COL18A1: variants seen among roughly 807,000 people sequenced by gnomAD.
COL18A1 encodes collagen type XVIII alpha 1 chain.
In COL18A1, 133 loss-of-function variants were observed where a neutral mutation model predicts 168.0. That is an observed-to-expected ratio of 0.79 (90% CI 0.69 to 0.91). The LOEUF is 0.91. COL18A1 is among the 40% of genes least tolerant of loss of function. COL18A1 has a pLI of 0.00. For synonymous variants in COL18A1, 949 were observed against 809.0 expected, an observed-to-expected ratio of 1.17 and a Z score of -2.94; for missense variants, 2,126 against 1,925.4, an observed-to-expected ratio of 1.10 and a Z score of -1.95.
At chr21:45,405,327 T>TGCGGGGGTC (rs1387248324) in intron 1 of COL18A1, 52 bp from the exon 2 acceptor site, 55 of 1,027,264 alleles carry the variant, frequency 5.4e-5, no homozygotes, top group East Asian at 2.0e-4. Context: ...GGCCGGGTCC[T>TGCGGGGGTC]GCGGGGGTCG....
chr21:45,482,054 T>C, intron 14 of COL18A1, 29 bp downstream of exon 14: 1 of 1,589,086 alleles, frequency 6.3e-7, no homozygotes, highest in Non-Finnish European at 8.6e-7. Flanking sequence ...CCAGGGTGAG[T>C]GGGAACCAGC....
rs1318578204 is a variant in COL18A1 at position 45,471,529 on chromosome 21, C to T, written c.652-2366C>T. On this transcript the variant is annotated intron_variant, in intron 3 of 41. Coordinates refer to ENST00000651438, the MANE Select transcript of COL18A1 (RefSeq NM_001379500.1). This position sits in a 1 kb window ranked among gnomAD's most constrained non-coding sequence, Gnocchi z 4.4. ...GACCCTGGCGCTGCCACAGATGGTG[C>T]CTGGGACCCCCGGCCGCAGCTGGGT... 1.3e-5 allele frequency among the ~76,000 whole-genome samples: 2 copies of T among 152,180 alleles called. No homozygotes were observed. Among genetic ancestry groups the T allele is most frequent in the East Asian group, 1.9e-4 (1 of 5,194 alleles).
At chr21:45,472,828 C>T (rs1416175016) in intron 3 of COL18A1, among the ~76,000 whole-genome samples, 3 of 152,182 alleles carry the variant, frequency 2.0e-5, no homozygotes, top group Non-Finnish European at 1.5e-5. Flanking sequence ...AGCTCACACG[C>T]GTGCATACGT....
intron 2 of COL18A1, among the ~76,000 whole-genome samples, chr21:45,427,111 C>T (rs1032514505): frequency 6.6e-6 from 1 of 152,200 alleles, no homozygotes; most frequent in East Asian, 1.9e-4. Flanking sequence ...GGGCTCTCTC[C>T]GGAGCGTGTG....
At chr21:45,485,442 G>T (rs952760580) in intron 15 of COL18A1, among the ~76,000 whole-genome samples, 4 of 151,980 alleles carry the variant, frequency 2.6e-5, no homozygotes, top group Admixed American at 6.6e-5. Flanking sequence ...GCTATAGTAA[G>T]CTACAATCAT....
At chr21:45,486,571 G>A (rs529490190) in intron 15 of COL18A1, among the ~76,000 whole-genome samples, 11 of 152,258 alleles carry the variant, frequency 7.2e-5, no homozygotes, top group African/African-American at 2.6e-4. Context: ...TAACGAGGGT[G>A]CCCTGTGCAC....
chr21:45,426,512 C>T (rs1040588714), intron 2 of COL18A1, among the ~76,000 whole-genome samples: 2 of 152,192 alleles, frequency 1.3e-5, no homozygotes, highest in Non-Finnish European at 2.9e-5. Context: ...AAGCCCAAAC[C>T]CCTGCAGCGC....
chr21:45,457,922 C>A lies in COL18A1; in HGVS notation c.107-10320C>A, dbSNP rs1400056398. Among the ~76,000 whole-genome samples the A allele has an allele frequency of 6.6e-6, 1 of 152,234 alleles. No individual in the cohort carries two copies. Among genetic ancestry groups the A allele is most frequent in the Middle Eastern group, 3.4e-3 (1 of 294 alleles). On this transcript the variant is annotated intron_variant, in intron 2 of 41. Coordinates refer to ENST00000651438, the MANE Select transcript of COL18A1 (RefSeq NM_001379500.1). The surrounding 1 kb of genome is among the most constrained non-coding windows in gnomAD (Gnocchi z 4.6). ...ACCCACCAGGCTCCGTGAGGGATGA[C>A]GAGCTTGGTGATTCCCCTTGAGTTT... is the stretch of plus-strand genomic sequence containing the variant.
At position 45,468,286 on chromosome 21, in the gene COL18A1, C is replaced by T; in HGVS notation, c.151C>T (p.Pro51Ser). The T allele has an allele frequency of 2.5e-6, 4 of 1,613,224 alleles. No individual in the cohort carries two copies. The highest frequency in any genetic ancestry group is 3.4e-6 in the Non-Finnish European group (4 of 1,180,034). Reference sequence around the variant, plus strand: ...GGGGCTGCTGCAGCTCCTTGGGGACCCCCCGCCCCAGCAGGTCACCCAGAC... The same window carrying T: ...GGGGCTGCTGCAGCTCCTTGGGGACTCCCCGCCCCAGCAGGTCACCCAGAC... ...EVGLLQLLGDPPPQQVTQTDD... is the reference protein window; with the variant it reads ...EVGLLQLLGDSPPQQVTQTDD... The change falls in exon 3 of 42, where the codon CCC (proline) becomes TCC (serine). Residue 51 changes from proline to serine, a missense_variant. Pro to Ser is a moderately conservative substitution (Grantham distance 74). Coordinates refer to ENST00000651438, the MANE Select transcript of COL18A1 (RefSeq NM_001379500.1).
chr21:45,479,870 C>T (rs761321562), intron 9 of COL18A1, 32 bp from the exon 10 acceptor site: 4 of 1,612,944 alleles, frequency 2.5e-6, no homozygotes, highest in East Asian at 2.2e-5. Context: ...GTGGTGCCTT[C>T]CCTGACCGGG....
At chr21:45,456,143 C>G (rs1301547757) in intron 2 of COL18A1, 4 of 1,583,814 alleles carry the variant, frequency 2.5e-6, no homozygotes, top group East Asian at 2.3e-5. Flanking sequence ...CTGGGCACCA[C>G]TCACGGGGCC....
intron 2 of COL18A1, among the ~76,000 whole-genome samples, chr21:45,461,500 C>G (rs1195201100): frequency 6.6e-6 from 1 of 152,162 alleles, no homozygotes; most frequent in East Asian, 1.9e-4. Flanking sequence ...GGGTGGACAC[C>G]TGCTGGTCTC....
intron 2 of COL18A1, among the ~76,000 whole-genome samples, chr21:45,417,501 C>T (rs1008896792): frequency 1.3e-5 from 2 of 152,168 alleles, no homozygotes; most frequent in East Asian, 1.9e-4. Context: ...TGTCCTCTTC[C>T]GACTCGAGGG....
rs1166115472 is a variant in COL18A1 at position 45,478,181 on chromosome 21, G to A, written c.1222-146G>A. 8 of 1,042,658 alleles carry A rather than the reference G, an allele frequency of 7.7e-6. No homozygotes were observed. The Admixed American group carries it at 1.3e-4, about 18-fold the overall frequency. The allele number at this position is 1,042,658 out of a possible 1,614,324, so 64.6% of individuals were successfully genotyped here. ...ACACAGCCCTTGTGGGTGTGAGGAG[G>A]CTCCTGGCGCGGGTGCGAGGACATC... On this transcript the variant is annotated intron_variant, in intron 8 of 41. Coordinates refer to ENST00000651438, the MANE Select transcript of COL18A1 (RefSeq NM_001379500.1).
chr21:45,411,766 TG>T (rs56879596), intron 2 of COL18A1, among the ~76,000 whole-genome samples: 13,218 of 39,254 alleles, frequency 0.34, 1,628 homozygotes, highest in African/African-American at 0.45. Context: ...TGGCGGGGGG[TG>T]GGGGGGGGGC....
Position 45,425,664 on chromosome 21 carries a change from CAG to C in COL18A1, c.106+20192_106+20193del, listed in dbSNP as rs1029573091. ...TCGTCGTCCAGCCTCCCCGGCTCCT[CAG>C]GGGGAGGTTCGGGGCCTTTGGTCTC... On this transcript the variant is annotated intron_variant, in intron 2 of 41. Coordinates refer to ENST00000651438, the MANE Select transcript of COL18A1 (RefSeq NM_001379500.1). The surrounding 1 kb of genome is among the most constrained non-coding windows in gnomAD (Gnocchi z 4.1). Among the ~76,000 whole-genome samples, 9 of 152,272 alleles carry C rather than the reference CAG, an allele frequency of 5.9e-5. No individual in the cohort carries two copies. Among genetic ancestry groups the C allele is most frequent in the African/African-American group, 1.9e-4 (8 of 41,560 alleles).
Position 45,443,613 on chromosome 21 carries a change from T to G in COL18A1, c.107-24629T>G. 6.6e-6 allele frequency among the ~76,000 whole-genome samples: 1 copy of G among 152,026 alleles called. No individual in the cohort carries two copies. The highest frequency in any genetic ancestry group is 6.5e-5 in the Admixed American group (1 of 15,280). ...CTGTTCTCCGACAGGCGGCCCTTTT[T>G]CTCCCACGTGGGCGAAAAGTGAAGC... On this transcript the variant is annotated intron_variant, in intron 2 of 41. Coordinates refer to ENST00000651438, the MANE Select transcript of COL18A1 (RefSeq NM_001379500.1). The surrounding 1 kb of genome is among the most constrained non-coding windows in gnomAD (Gnocchi z 5.2).
At chr21:45,410,513 G>A (rs1423179479) in intron 2 of COL18A1, among the ~76,000 whole-genome samples, 2 of 152,180 alleles carry the variant, frequency 1.3e-5, no homozygotes, top group East Asian at 3.9e-4. Flanking sequence ...AGGAGGGAGC[G>A]TGATTGGTTA....
In COL18A1 at chr21:45,503,961, G is replaced by T. The variant is rs576905197; in HGVS notation, c.2684-50G>T. On this transcript the variant is annotated intron_variant, in intron 32 of 41. Coordinates refer to ENST00000651438, the MANE Select transcript of COL18A1 (RefSeq NM_001379500.1). ...TGCTGGGGGCTGCAGAGGGAACCCGGCGCTGTCAGACACCACCTCAGCGAG... is the reference window on the plus strand; with the variant it reads ...TGCTGGGGGCTGCAGAGGGAACCCGTCGCTGTCAGACACCACCTCAGCGAG... 7.1e-5 allele frequency: 115 copies of T among 1,610,276 alleles called. 2 individuals are homozygous for T. In the East Asian group the frequency reaches 1.2e-3, roughly 16 times the overall value.
Sources: gnomAD v4.1 joint callset for allele counts (sites outside exome capture counted in the v4.1 genomes callset) on GRCh38, gnomAD v4.1.1 for gene constraint, Gnocchi (gnomAD v3.1) non-coding constraint, MANE v1.5 for transcripts, NCBI Gene and HGNC (gene_info 2026-07-23, HGNC 2026-07-21) for gene names.